Variants in PHF14 observed in about 807,000 individuals in gnomAD.
PHF14 encodes PHD finger protein 14.
A neutral mutation model predicts 117.9 loss-of-function variants in PHF14; 55 were observed. The ratio of observed to expected loss-of-function variants is 0.47; its 90% CI spans 0.38 to 0.58. The LOEUF (loss-of-function observed/expected upper bound fraction) is 0.58, where lower values mean the gene tolerates loss of function less well. Ranked by LOEUF, PHF14 falls within the 20% of genes least tolerant of loss-of-function variation. The pLI is 0.00. For synonymous variants in PHF14, 409 were observed against 368.6 expected (o/e 1.11, Z -1.26); for missense variants, 978 against 1,122.2 (o/e 0.87, Z 1.84).
intron 2 of PHF14, among the ~76,000 whole-genome samples, chr7:10,976,228 TAA>T (rs1254297713): frequency 1.3e-5 from 2 of 152,136 alleles, no homozygotes; most frequent in African/African-American, 2.4e-5. Context: ...CAAAAATTGA[TAA>T]GTTTATCTTG....
intron 17 of PHF14, among the ~76,000 whole-genome samples, chr7:11,124,292 T>C (rs945531754): frequency 3.3e-5 from 5 of 152,150 alleles, no homozygotes; most frequent in African/African-American, 1.2e-4. Flanking sequence ...TACAGTTAGA[T>C]CATACTTTCT....
At chr7:11,101,240 C>G (rs1787075663) in intron 16 of PHF14, among the ~76,000 whole-genome samples, 1 of 151,744 alleles carries the variant, frequency 6.6e-6, no homozygotes, top group Admixed American at 6.6e-5. Flanking sequence ...TCTAATGTGT[C>G]TATATTCGGA....
intron 16 of PHF14, among the ~76,000 whole-genome samples, chr7:11,066,384 C>T (rs1400329259): frequency 2.0e-5 from 3 of 152,150 alleles, no homozygotes; most frequent in Non-Finnish European, 4.4e-5. Context: ...CTCAGCCTCC[C>T]GAGTAGCTGA....
At chr7:11,119,101 T>C (rs1359932351) in intron 17 of PHF14, among the ~76,000 whole-genome samples, 2 of 151,870 alleles carry the variant, frequency 1.3e-5, no homozygotes, top group African/African-American at 2.4e-5. Context: ...CATAGCATGC[T>C]GTGGAATACC....
intron 16 of PHF14, among the ~76,000 whole-genome samples, chr7:11,077,537 G>C (rs537368760): frequency 2.0e-5 from 3 of 146,610 alleles, no homozygotes; most frequent in Non-Finnish European, 4.4e-5. Context: ...GGAGGCAAAG[G>C]TTGTAGTGAG....
chr7:10,979,154 A>G (rs537164347), intron 2 of PHF14, among the ~76,000 whole-genome samples: 87 of 152,338 alleles, frequency 5.7e-4, no homozygotes, highest in Middle Eastern at 3.4e-3. Flanking sequence ...AACATTGGAT[A>G]TAATGGTATT....
chr7:10,983,303 T>G, intron 3 of PHF14, 144 bp downstream of exon 3: 1 of 803,952 alleles, frequency 1.2e-6, no homozygotes, highest in Non-Finnish European at 1.8e-6. Flanking sequence ...ACTGTAACAT[T>G]TTTTCATTTG....
At chr7:11,110,795 A>G (rs1010611722) in intron 16 of PHF14, among the ~76,000 whole-genome samples, 3 of 152,042 alleles carry the variant, frequency 2.0e-5, no homozygotes, top group African/African-American at 7.2e-5. Flanking sequence ...CATGCTATAA[A>G]TGTTAGAAAG....
intron 16 of PHF14, chr7:11,062,919 G>A (rs1488989147): frequency 2.0e-6 from 2 of 981,822 alleles, no homozygotes; most frequent in East Asian, 1.1e-4. Context: ...TTAAAAAATT[G>A]TCTTCTGGTA....
chr7:11,006,524 GA>G, intron 4 of PHF14: 4 of 571,390 alleles, frequency 7.0e-6, no homozygotes, highest in South Asian at 5.5e-5. Flanking sequence ...CAATGTCACA[GA>G]GCTCCTTCAC....
chr7:11,169,560 A>G lies in PHF14; in HGVS notation c.*70A>G. The stretch of plus-strand genomic sequence containing the variant: ...AGCAGATAAAATTTCTAATTGTAAA[A>G]TGTTAAATTGTAAAATCTAATTTGC... On this transcript the variant is annotated 3_prime_UTR_variant, in exon 18 of 18. Transcript: ENST00000634607. The G allele has an allele frequency of 7.9e-6, 5 of 632,750 alleles. No individual in the cohort carries two copies. Among genetic ancestry groups the G allele is most frequent in the South Asian group, 5.3e-5 (2 of 37,580 alleles). 39.2% of individuals were successfully genotyped at this position (632,750 alleles called of 1,614,324 possible).
At chr7:11,168,841 A>G (rs1193714980) in intron 17 of PHF14, among the ~76,000 whole-genome samples, 1 of 152,156 alleles carries the variant, frequency 6.6e-6, no homozygotes, top group Non-Finnish European at 1.5e-5. Context: ...TTATGATGTC[A>G]TTTCATCTAT....
At chr7:11,025,934 A>C (rs1783894048) in intron 6 of PHF14, among the ~76,000 whole-genome samples, 1 of 152,096 alleles carries the variant, frequency 6.6e-6, no homozygotes, top group Non-Finnish European at 1.5e-5. Context: ...CAAAGTGGCA[A>C]AACCCTGTAT....
chr7:10,974,910 C>T lies in PHF14; in HGVS notation c.77C>T (p.Ser26Leu). Residue 26 changes from serine to leucine, a missense_variant, in exon 2 of 18, where the codon TCA becomes TTA. Transcript: ENST00000634607. Reference protein sequence around the residue: ...SLLEALDYDSSDDSDFKVGDA... With the variant: ...SLLEALDYDSLDDSDFKVGDA... ...CTGGAAGCTCTTGATTATGATAGTT[C>T]AGATGACAGTGATTTTAAAGTTGGA... The T allele has an allele frequency of 6.3e-7, 1 of 1,582,634 alleles. No homozygotes were observed. The highest frequency in any genetic ancestry group is 2.3e-5 in the East Asian group (1 of 44,334).
At chr7:11,154,947 C>T (rs1057483089) in intron 17 of PHF14, among the ~76,000 whole-genome samples, 1 of 151,852 alleles carries the variant, frequency 6.6e-6, no homozygotes, top group African/African-American at 2.4e-5. Flanking sequence ...TATTTAATAA[C>T]ATAATGATGG....
intron 2 of PHF14, among the ~76,000 whole-genome samples, chr7:10,975,949 G>T (rs1349945893): frequency 6.6e-6 from 1 of 152,134 alleles, no homozygotes; most frequent in African/African-American, 2.4e-5. Flanking sequence ...AGCATCAACA[G>T]CAGAATTTGC....
intron 17 of PHF14, among the ~76,000 whole-genome samples, chr7:11,150,007 A>G (rs1038936861): frequency 6.6e-5 from 10 of 152,284 alleles, no homozygotes; most frequent in African/African-American, 2.4e-4. Flanking sequence ...GATGAAAAGC[A>G]TATATGTTAA....
chr7:10,985,663 T>C (rs1482802459), intron 3 of PHF14, among the ~76,000 whole-genome samples: 3 of 136,540 alleles, frequency 2.2e-5, no homozygotes, highest in Non-Finnish European at 4.7e-5. Flanking sequence ...TTTTTTTTTT[T>C]TTTTTTGGAG....
intron 17 of PHF14, among the ~76,000 whole-genome samples, chr7:11,140,677 C>T (rs1352565253): frequency 6.6e-6 from 1 of 151,908 alleles, no homozygotes; most frequent in Non-Finnish European, 1.5e-5. Flanking sequence ...AAGAGACTAC[C>T]ATTTCAAGCA....
Sources: gnomAD v4.1 joint callset for allele counts (sites outside exome capture counted in the v4.1 genomes callset) on GRCh38, gnomAD v4.1.1 for gene constraint, MANE v1.5 for transcripts, NCBI Gene and HGNC (gene_info 2026-07-23, HGNC 2026-07-21) for gene names.